The following ATP8A2 variants were observed in gnomAD, a reference collection of about 807,000 sequenced individuals.
ATP8A2 encodes the protein ATPase phospholipid transporting 8A2, also known as phospholipid-transporting ATPase IB.
In ATP8A2, 100 loss-of-function variants were observed where a neutral mutation model predicts 165.6. The ratio of observed to expected loss-of-function variants is 0.60; its 90% CI spans 0.51 to 0.71. The LOEUF (loss-of-function observed/expected upper bound fraction) is 0.71, where lower values mean the gene tolerates loss of function less well. Ranked by LOEUF, ATP8A2 falls within the 30% of genes least tolerant of loss-of-function variation. The pLI is 0.00. For synonymous variants in ATP8A2, 543 were observed against 548.8 expected, an observed-to-expected ratio of 0.99 and a Z score of 0.15; for missense variants, 1,227 against 1,479.5, an observed-to-expected ratio of 0.83 and a Z score of 2.80.
chr13:25,895,314 C>A (rs1953501683), intron 33 of ATP8A2, among the ~76,000 whole-genome samples: 1 of 152,100 alleles, frequency 6.6e-6, no homozygotes, highest in African/African-American at 2.4e-5. Context: ...GTCTTTGGTT[C>A]TGTTTATATG....
At chr13:25,449,531 T>C (rs2035156758) in intron 1 of ATP8A2, among the ~76,000 whole-genome samples, 1 of 152,190 alleles carries the variant, frequency 6.6e-6, no homozygotes, top group South Asian at 2.1e-4. Context: ...CATCTTCACT[T>C]GTGGGATGGA....
chr13:25,510,892 T>A (rs996705969), intron 2 of ATP8A2, among the ~76,000 whole-genome samples: 3 of 152,234 alleles, frequency 2.0e-5, no homozygotes, highest in African/African-American at 7.2e-5. Context: ...ACAACACATG[T>A]AGGTAGCTAA....
At chr13:25,592,838 G>A (rs2040126898) in intron 24 of ATP8A2, among the ~76,000 whole-genome samples, 1 of 152,116 alleles carries the variant, frequency 6.6e-6, no homozygotes, top group Non-Finnish European at 1.5e-5. Context: ...AGGGTTTTAT[G>A]GGTGTTTTCC....
At chr13:25,925,859 C>CT (rs1376911677) in intron 33 of ATP8A2, among the ~76,000 whole-genome samples, 1 of 151,742 alleles carries the variant, frequency 6.6e-6, no homozygotes, top group Non-Finnish European at 1.5e-5. Context: ...TCCCAAGTAG[C>CT]TGGGACTACA....
At chr13:25,917,671 T>C (rs1954309180) in intron 33 of ATP8A2, among the ~76,000 whole-genome samples, 2 of 152,240 alleles carry the variant, frequency 1.3e-5, no homozygotes, top group Admixed American at 1.3e-4. Context: ...TTACAATTCA[T>C]ACAAATAAGT....
At chr13:25,678,348 A>G (rs1185928939) in intron 24 of ATP8A2, among the ~76,000 whole-genome samples, 1 of 152,194 alleles carries the variant, frequency 6.6e-6, no homozygotes, top group African/African-American at 2.4e-5. Flanking sequence ...GCACTTAGTG[A>G]CAGGCTGGCA....
chr13:25,514,187 C>T (rs2137798074), intron 2 of ATP8A2, among the ~76,000 whole-genome samples: 2 of 152,180 alleles, frequency 1.3e-5, no homozygotes, highest in Non-Finnish European at 2.9e-5. Context: ...TTCCAATTGC[C>T]AATAGCCATT....
Position 25,393,380 on chromosome 13 carries a change from AGT to A in ATP8A2, c.76+21096_76+21097del, listed in dbSNP as rs373415395. ...CTCCTGGCTAAGTACTGGGATTACC[AGT>A]GTGAGCCACCTCACCCAACCTATTT... On this transcript the variant is annotated intron_variant, in intron 1 of 36. Coordinates refer to ENST00000381655, the MANE Select transcript of ATP8A2 (RefSeq NM_016529.6). Among the ~76,000 whole-genome samples, 499 of 151,968 alleles carry A rather than the reference AGT, an allele frequency of 3.3e-3. 2 individuals are homozygous for A. Among genetic ancestry groups the A allele is most frequent in the African/African-American group, 0.012 (480 of 41,440 alleles).
intron 2 of ATP8A2, among the ~76,000 whole-genome samples, chr13:25,489,136 C>T (rs1008630612): frequency 2.0e-5 from 3 of 152,030 alleles, no homozygotes; most frequent in Non-Finnish European, 2.9e-5. Context: ...TGGTGGTTAT[C>T]GTTCTAAAAC....
chr13:25,544,974 T>G (rs946703437), intron 10 of ATP8A2, among the ~76,000 whole-genome samples: 2 of 151,592 alleles, frequency 1.3e-5, no homozygotes, highest in Non-Finnish European at 2.9e-5. Flanking sequence ...TTACTAGGTC[T>G]TGAATATACA....
intron 25 of ATP8A2, among the ~76,000 whole-genome samples, chr13:25,745,631 G>T (rs2044015180): frequency 6.6e-6 from 1 of 152,116 alleles, no homozygotes; most frequent in Non-Finnish European, 1.5e-5. Flanking sequence ...GGATGGGCTG[G>T]AGTGTTTACA....
At chr13:25,426,816 C>T (rs1414700844) in intron 1 of ATP8A2, among the ~76,000 whole-genome samples, 1 of 152,088 alleles carries the variant, frequency 6.6e-6, no homozygotes, top group African/African-American at 2.4e-5. Context: ...CACGATAACA[C>T]ATGCCTGTAA....
chr13:25,873,148 A>G (rs1342847868), intron 33 of ATP8A2, among the ~76,000 whole-genome samples: 1 of 152,146 alleles, frequency 6.6e-6, no homozygotes, highest in Non-Finnish European at 1.5e-5. Flanking sequence ...TTCCTCCCAC[A>G]CACTTGGGGT....
chr13:25,399,867 C>T (rs1449549302), intron 1 of ATP8A2, among the ~76,000 whole-genome samples: 3 of 150,988 alleles, frequency 2.0e-5, no homozygotes, highest in Non-Finnish European at 4.4e-5. Context: ...CTTTCATCTT[C>T]TTCTTCTTCC....
intron 2 of ATP8A2, among the ~76,000 whole-genome samples, chr13:25,485,535 T>C (rs1408177591): frequency 6.6e-6 from 1 of 152,252 alleles, no homozygotes; most frequent in Non-Finnish European, 1.5e-5. Context: ...ACATCTGTCT[T>C]CCTGGGGGAC....
intron 25 of ATP8A2, among the ~76,000 whole-genome samples, chr13:25,717,780 T>C (rs1232615508): frequency 6.6e-6 from 1 of 152,230 alleles, no homozygotes; most frequent in Non-Finnish European, 1.5e-5. Flanking sequence ...CTCATCTGAA[T>C]GCCTCCCTCA....
intron 25 of ATP8A2, among the ~76,000 whole-genome samples, chr13:25,759,325 C>T (rs980548346): frequency 7.9e-5 from 12 of 152,142 alleles, no homozygotes; most frequent in African/African-American, 2.7e-4. Flanking sequence ...TAAGCATCTC[C>T]GTTGTCATTA....
chr13:25,465,563 T>TG (rs1394455556), intron 1 of ATP8A2, among the ~76,000 whole-genome samples: 2 of 151,504 alleles, frequency 1.3e-5, no homozygotes, highest in Non-Finnish European at 2.9e-5. Flanking sequence ...CAGTGATTTT[T>TG]TTTTTTTTGT....
chr13:25,629,839 A>G (rs530297500), intron 24 of ATP8A2, among the ~76,000 whole-genome samples: 3 of 152,274 alleles, frequency 2.0e-5, no homozygotes, highest in Non-Finnish European at 2.9e-5. Context: ...TCTGCTTTCT[A>G]TAAACTTTTA....
Sources: gnomAD v4.1 joint callset for allele counts (sites outside exome capture counted in the v4.1 genomes callset) on GRCh38, gnomAD v4.1.1 for gene constraint, MANE v1.5 for transcripts, NCBI Gene and HGNC (gene_info 2026-07-23, HGNC 2026-07-21) for gene names.